The following NEGR1 variants were observed in gnomAD, a reference collection of about 807,000 sequenced individuals.
NEGR1 encodes neuronal growth regulator 1, also known as IgLON family member 4.
NEGR1 carries 10 observed loss-of-function variants against 40.9 expected under a neutral mutation model. That is an observed-to-expected ratio of 0.24 (90% CI 0.15 to 0.42). The LOEUF (loss-of-function observed/expected upper bound fraction) is 0.42. Ranked by LOEUF, NEGR1 falls within the 10% of genes least tolerant of loss-of-function variation. NEGR1 has a pLI of 1.00. For missense variants in NEGR1, 352 were observed against 438.9 expected (o/e 0.80, Z 1.77); for synonymous variants, 185 against 166.8 (o/e 1.11, Z -0.84).
chr1:71,684,259 A>G (rs952015039), intron 4 of NEGR1, among the ~76,000 whole-genome samples: 1 of 152,130 alleles, frequency 6.6e-6, no homozygotes, highest in African/African-American at 2.4e-5. Flanking sequence ...TGACACAGCA[A>G]GACTCCATCT....
At chr1:71,458,751 C>T (rs1167615821) in intron 6 of NEGR1, among the ~76,000 whole-genome samples, 7 of 152,206 alleles carry the variant, frequency 4.6e-5, no homozygotes, top group Non-Finnish European at 8.8e-5. Flanking sequence ...ACATATATTT[C>T]TAGATCCTTC....
intron 1 of NEGR1, among the ~76,000 whole-genome samples, chr1:72,099,923 A>G (rs963257427): frequency 1.4e-4 from 22 of 152,098 alleles, no homozygotes; most frequent in African/African-American, 4.6e-4. Flanking sequence ...ATACACATAC[A>G]TATGTAGAAT....
intron 3 of NEGR1, among the ~76,000 whole-genome samples, chr1:71,765,026 A>T (rs994504765): frequency 1.3e-5 from 2 of 151,778 alleles, no homozygotes; most frequent in Non-Finnish European, 2.9e-5. Flanking sequence ...CCAAACTTGC[A>T]CCAAAAAAAG....
chr1:71,618,408 T>C (rs936280950), intron 4 of NEGR1, among the ~76,000 whole-genome samples: 1 of 152,132 alleles, frequency 6.6e-6, no homozygotes, highest in Non-Finnish European at 1.5e-5. Flanking sequence ...AGACAGAATA[T>C]CCTGGGTTGC....
chr1:72,016,208 A>C (rs1646709069), intron 1 of NEGR1, among the ~76,000 whole-genome samples: 1 of 152,132 alleles, frequency 6.6e-6, no homozygotes, highest in African/African-American at 2.4e-5. Flanking sequence ...ATAATTGATG[A>C]AATGTGTTAA....
At chr1:71,926,412 A>T (rs1645773503) in intron 2 of NEGR1, among the ~76,000 whole-genome samples, 1 of 151,924 alleles carries the variant, frequency 6.6e-6, no homozygotes, top group South Asian at 2.1e-4. Context: ...CTGTATAATT[A>T]TTTGATTTTT....
At chr1:71,984,331 T>C (rs1374945226) in intron 1 of NEGR1, among the ~76,000 whole-genome samples, 3 of 117,634 alleles carry the variant, frequency 2.6e-5, no homozygotes, top group Non-Finnish European at 5.9e-5. Flanking sequence ...TCTCACCATG[T>C]TGCCTAGACT....
intron 4 of NEGR1, among the ~76,000 whole-genome samples, chr1:71,669,406 CTCT>C (rs1347562235): frequency 6.6e-6 from 1 of 151,724 alleles, no homozygotes; most frequent in African/African-American, 2.4e-5. Flanking sequence ...GTTCCATTTT[CTCT>C]TCTTTTTTAC....
chr1:72,133,005 A>T (rs998717105), intron 1 of NEGR1, among the ~76,000 whole-genome samples: 11 of 152,128 alleles, frequency 7.2e-5, no homozygotes, highest in Admixed American at 3.9e-4. Flanking sequence ...CTGAAAAAAT[A>T]ATAAGACATT....
At chr1:72,157,061 C>A (rs1254471148) in intron 1 of NEGR1, among the ~76,000 whole-genome samples, 1 of 152,066 alleles carries the variant, frequency 6.6e-6, no homozygotes, top group Non-Finnish European at 1.5e-5. Context: ...CTCCTCAGCT[C>A]AAGCAATCCT....
At chr1:72,084,536 C>T (rs1648133536) in intron 1 of NEGR1, among the ~76,000 whole-genome samples, 1 of 152,050 alleles carries the variant, frequency 6.6e-6, no homozygotes, top group Admixed American at 6.6e-5. Flanking sequence ...TGCTATGTAT[C>T]CCTGTATTAG....
In NEGR1 at chr1:71,611,098, C is replaced by A; in HGVS notation, c.716G>T (p.Arg239Leu). 1 of 1,613,766 alleles carries A rather than the reference C, an allele frequency of 6.2e-7. No individual in the cohort carries two copies. The highest frequency in any genetic ancestry group is 1.1e-5 in the South Asian group (1 of 91,078). ...ACCTTCACATCTTATCAGGCCACTG[C>A]GTCCGGGGGTCACGGTGCCAGATTT... ...EIKSGTVTPG[R>L]SGLIRCEGAG... Residue 239 changes from arginine to leucine, a missense_variant, in exon 5 of 7, where the codon CGC becomes CTC. Around this residue, in one of 5 missense-constraint regions of NEGR1, gnomAD observed 184 missense variants for 208.7 expected, o/e 0.88. Transcript: ENST00000357731.
intron 4 of NEGR1, among the ~76,000 whole-genome samples, chr1:71,652,963 T>C (rs2483664): frequency 0.018 from 2,707 of 152,282 alleles, 76 homozygotes; most frequent in African/African-American, 0.062. Context: ...TTGCACTTAA[T>C]ATTTGAAATC....
At chr1:72,244,881 T>C (rs1442811586) in intron 1 of NEGR1, among the ~76,000 whole-genome samples, 2 of 152,080 alleles carry the variant, frequency 1.3e-5, no homozygotes, top group East Asian at 1.9e-4. Context: ...TCTGTTAAGA[T>C]ACATCAAAGC....
At chr1:71,609,514 CA>C (rs61728217) in intron 5 of NEGR1, among the ~76,000 whole-genome samples, 44 of 24,014 alleles carry the variant, frequency 1.8e-3, no homozygotes, top group Admixed American at 5.4e-3. Flanking sequence ...GACTCCGTCT[CA>C]AAAAAAAAAA....
At chr1:71,619,854 C>A (rs1321937833) in intron 4 of NEGR1, among the ~76,000 whole-genome samples, 1 of 152,082 alleles carries the variant, frequency 6.6e-6, no homozygotes, top group African/African-American at 2.4e-5. Context: ...GAAACAGAAA[C>A]TCTGCACTTG....
At chr1:72,229,105 G>A (rs754277438) in intron 1 of NEGR1, among the ~76,000 whole-genome samples, 15 of 151,940 alleles carry the variant, frequency 9.9e-5, no homozygotes, top group African/African-American at 1.4e-4. Context: ...CTGGCATTCC[G>A]TTATATGTAG....
At chr1:71,800,717 G>A (rs981338982) in intron 2 of NEGR1, among the ~76,000 whole-genome samples, 1 of 152,008 alleles carries the variant, frequency 6.6e-6, no homozygotes, top group African/African-American at 2.4e-5. Flanking sequence ...CTCCACTTGA[G>A]CACTAAGTCC....
intron 1 of NEGR1, among the ~76,000 whole-genome samples, chr1:72,012,053 G>T (rs912983965): frequency 6.6e-6 from 1 of 152,040 alleles, no homozygotes; most frequent in African/African-American, 2.4e-5. Flanking sequence ...TGTGGAAGGC[G>T]TATTTTCCAA....
Sources: allele counts gnomAD v4.1 joint callset (sites outside exome capture counted in the v4.1 genomes callset), GRCh38; gene constraint gnomAD v4.1.1; regional missense constraint gnomAD v4.1.1; transcripts MANE v1.5; gene names NCBI Gene and HGNC (gene_info 2026-07-23, HGNC 2026-07-21).